The following RBPJ variants were observed in gnomAD, a reference collection of about 807,000 sequenced individuals.
The protein encoded by RBPJ is recombination signal binding protein for immunoglobulin kappa J region, also known as recombining binding protein suppressor of hairless.
RBPJ carries 9 observed loss-of-function variants against 67.8 expected under a neutral mutation model. The observed-to-expected ratio is 0.13, with a 90% CI of 0.08 to 0.23. The LOEUF (loss-of-function observed/expected upper bound fraction) is 0.23. Ranked by LOEUF, RBPJ falls within the 10% of genes least tolerant of loss-of-function variation. The pLI is 1.00. For missense variants in RBPJ, 305 were observed against 595.6 expected (o/e 0.51, Z 5.08); for synonymous variants, 198 against 203.3 (o/e 0.97, Z 0.22).
intron 1 of RBPJ, among the ~76,000 whole-genome samples, chr4:26,184,412 G>A (rs907078498): frequency 1.3e-5 from 2 of 152,006 alleles, no homozygotes; most frequent in Non-Finnish European, 2.9e-5. Context: ...TTACTAAAAC[G>A]AAACATCAAG....
At chr4:26,420,748 T>TC in intron 5 of RBPJ, 23 bp downstream of exon 5, 1 of 1,552,060 alleles carries the variant, frequency 6.4e-7, no homozygotes, top group South Asian at 1.2e-5. Context: ...TTCTTATTTA[T>TC]CCCCAACTGC....
intron 1 of RBPJ, among the ~76,000 whole-genome samples, chr4:26,271,042 ATTG>A (rs1286062313): frequency 5.9e-5 from 9 of 151,402 alleles, no homozygotes; most frequent in Admixed American, 2.6e-4. Context: ...GTTATTAATT[ATTG>A]TTAAATCTCT....
At chr4:26,171,025 A>G (rs1262496115) in intron 1 of RBPJ, among the ~76,000 whole-genome samples, 1 of 152,198 alleles carries the variant, frequency 6.6e-6, no homozygotes, top group Non-Finnish European at 1.5e-5. Context: ...GGTGGTTTAT[A>G]TTAATACGTG....
intron 1 of RBPJ, among the ~76,000 whole-genome samples, chr4:26,244,161 A>ACACATATATGTATACATATATGTGTC (rs1297443669): frequency 8.7e-6 from 1 of 115,356 alleles, no homozygotes; most frequent in Admixed American, 8.3e-5. Flanking sequence ...ATATATGTAT[A>ACACATATATGTATACATATATGTGTC]TATATATGTA....
chr4:26,260,333 A>G (rs904945168), intron 1 of RBPJ, among the ~76,000 whole-genome samples: 1 of 152,228 alleles, frequency 6.6e-6, no homozygotes, highest in Non-Finnish European at 1.5e-5. Context: ...CCTTAAGTGT[A>G]GAAACTGAAA....
In RBPJ at chr4:26,416,580, G is replaced by A. The variant is rs6831799; in HGVS notation, c.321+940G>A. On this transcript the variant is annotated intron_variant, in intron 4 of 10. Transcript: ENST00000355476. ...TAGTTTTTTATTCACTTAGAATTTA[G>A]CTATGGTTTTATTTTTCCTTGCTAC... Among the ~76,000 whole-genome samples the A allele has an allele frequency of 4.8e-3, 732 of 152,256 alleles. 8 individuals carry two copies. The highest frequency in any genetic ancestry group is 0.017 in the African/African-American group (697 of 41,536).
intron 1 of RBPJ, among the ~76,000 whole-genome samples, chr4:26,170,249 A>G (rs1226056088): frequency 2.0e-5 from 3 of 152,176 alleles, no homozygotes; most frequent in Admixed American, 1.3e-4. Flanking sequence ...TTTCAAAAGA[A>G]TGGAAAATAG....
rs113517407 is a variant in RBPJ, at chr4:26,353,039, C to T, written c.20+31991C>T. 8.5e-5 allele frequency among the ~76,000 whole-genome samples: 13 copies of T among 152,262 alleles called. 1 individual carries two copies. The highest frequency in any genetic ancestry group is 2.9e-4 in the African/African-American group (12 of 41,556). ...GTGGAAAGGAAAGTATAGCAAAACC[C>T]GGTGGAAAGTGTAGCAATTTCTGAA... On this transcript the variant is annotated intron_variant, in intron 1 of 10. Transcript: ENST00000355476.
chr4:26,407,879 CTTTCTTTT>C (rs1733598231), intron 3 of RBPJ, among the ~76,000 whole-genome samples: 1 of 78,832 alleles, frequency 1.3e-5, no homozygotes, highest in African/African-American at 5.2e-5. Context: ...GTAAAGCTTT[CTTTCTTTT>C]TTTTTTTTTT....
chr4:26,421,418 C>T (rs1735129622), intron 5 of RBPJ, among the ~76,000 whole-genome samples: 1 of 152,078 alleles, frequency 6.6e-6, no homozygotes, highest in Non-Finnish European at 1.5e-5. Flanking sequence ...TCCTCCCTGC[C>T]TCAGCCTCCT....
intron 1 of RBPJ, among the ~76,000 whole-genome samples, chr4:26,373,881 T>C (rs1729417557): frequency 6.6e-6 from 1 of 152,120 alleles, no homozygotes; most frequent in African/African-American, 2.4e-5. Flanking sequence ...GTCTTTAGAT[T>C]TCCTGAATTT....
intron 1 of RBPJ, among the ~76,000 whole-genome samples, chr4:26,185,093 C>G (rs7672768): frequency 0.76 from 114,848 of 150,430 alleles, 44,053 homozygotes; most frequent in South Asian, 0.87. Context: ...AGTGAGCCGA[C>G]ATTGCGCCAC....
chr4:26,304,802 T>A (rs921372971), intron 1 of RBPJ, among the ~76,000 whole-genome samples: 1 of 151,626 alleles, frequency 6.6e-6, no homozygotes, highest in Admixed American at 6.6e-5. Context: ...TTTTTTTTTT[T>A]ACTTTCTTGA....
chr4:26,271,880 A>G (rs1296105113), intron 1 of RBPJ, among the ~76,000 whole-genome samples: 1 of 152,158 alleles, frequency 6.6e-6, no homozygotes, highest in African/African-American at 2.4e-5. Context: ...CACACGTGTG[A>G]GCAACCACAT....
chr4:26,392,177 G>A (rs1293192324), intron 2 of RBPJ, among the ~76,000 whole-genome samples: 3 of 152,118 alleles, frequency 2.0e-5, no homozygotes, highest in Non-Finnish European at 4.4e-5. Context: ...AAATTTAAAG[G>A]ACTCATCATG....
At chr4:26,398,070 TTGTGTGTG>T (rs10535928) in intron 2 of RBPJ, among the ~76,000 whole-genome samples, 1 of 150,744 alleles carries the variant, frequency 6.6e-6, no homozygotes, top group African/African-American at 2.4e-5. Flanking sequence ...ACGAGTGATA[TTGTGTGTG>T]TGTGTGTGTG....
chr4:26,388,747 C>G (rs946125373), intron 2 of RBPJ, among the ~76,000 whole-genome samples: 4 of 152,022 alleles, frequency 2.6e-5, no homozygotes, highest in African/African-American at 9.7e-5. Context: ...TAGATACTAT[C>G]TAAAATGAAG....
chr4:26,199,242 G>A (rs1432139939), intron 1 of RBPJ, among the ~76,000 whole-genome samples: 1 of 152,078 alleles, frequency 6.6e-6, no homozygotes, highest in East Asian at 1.9e-4. Context: ...TCAGGAGATC[G>A]AGACCATCCT....
intron 1 of RBPJ, among the ~76,000 whole-genome samples, chr4:26,210,662 T>TCTTC (rs1239581504): frequency 0.018 from 553 of 30,022 alleles, 9 homozygotes; most frequent in Middle Eastern, 0.083. Flanking sequence ...TTTCTTTCTT[T>TCTTC]TTTCTTTCTT....
Sources: allele counts gnomAD v4.1 joint callset (sites outside exome capture counted in the v4.1 genomes callset), GRCh38; gene constraint gnomAD v4.1.1; transcripts MANE v1.5; gene names NCBI Gene and HGNC (gene_info 2026-07-23, HGNC 2026-07-21).